Variants in GPHN observed in about 807,000 individuals in gnomAD.
GPHN encodes gephyrin.
In GPHN, 17 loss-of-function variants were observed where a neutral mutation model predicts 95.5. The observed-to-expected ratio is 0.18, with a 90% CI of 0.12 to 0.27. GPHN has a LOEUF of 0.27. Among genes scored for constraint, GPHN ranks in the 10% least tolerant of loss-of-function variants. GPHN has a pLI of 1.00. For synonymous variants in GPHN, 320 were observed against 322.5 expected (o/e 0.99, Z 0.08); for missense variants, 660 against 978.1 (o/e 0.67, Z 4.34).
chr14:66,811,185 T>G lies in GPHN; in HGVS notation c.202-13289T>G, dbSNP rs972163332. Among the ~76,000 whole-genome samples, 31 of 152,288 alleles carry G rather than the reference T, an allele frequency of 2.0e-4. 1 individual carries two copies. Among genetic ancestry groups the G allele is most frequent in the Admixed American group, 1.8e-3 (28 of 15,298 alleles). Reference sequence around the variant, plus strand: ...GGGACAAGGATTGAAAAACTACCTGTTGGGTACTATGTTCATTACTTGGGC... The same window carrying G: ...GGGACAAGGATTGAAAAACTACCTGGTGGGTACTATGTTCATTACTTGGGC... On this transcript the variant is annotated intron_variant, in intron 3 of 22. Transcript: ENST00000478722.
intron 1 of GPHN, among the ~76,000 whole-genome samples, chr14:66,582,284 G>C (rs1331664480): frequency 6.6e-6 from 1 of 151,952 alleles, no homozygotes; most frequent in Non-Finnish European, 1.5e-5. Context: ...ACAACCAAGA[G>C]TAAAACTGAA....
intron 2 of GPHN, among the ~76,000 whole-genome samples, chr14:66,689,011 T>C (rs1316914840): frequency 2.0e-5 from 3 of 152,158 alleles, no homozygotes; most frequent in Non-Finnish European, 4.4e-5. Flanking sequence ...CATGTATACC[T>C]GTGTAACACA....
chr14:67,462,511 A>G, the GPHN span, among the ~76,000 whole-genome samples: 1 of 152,118 alleles, frequency 6.6e-6, no homozygotes, highest in East Asian at 1.9e-4. Context: ...ACACCTGGCT[A>G]ATTTCTTTAA....
chr14:66,586,439 G>A (rs886436562), intron 1 of GPHN, among the ~76,000 whole-genome samples: 5 of 152,124 alleles, frequency 3.3e-5, no homozygotes, highest in African/African-American at 4.8e-5. Context: ...TATGATGTTA[G>A]CTGGTTATTT....
At chr14:67,220,869 C>T in the GPHN span, among the ~76,000 whole-genome samples, 89 of 152,328 alleles carry the variant, frequency 5.8e-4, no homozygotes, top group Admixed American at 3.8e-3. Flanking sequence ...CATTGTAGAA[C>T]TTGAACTGGG....
At chr14:66,548,272 C>A (rs963916521) in intron 1 of GPHN, among the ~76,000 whole-genome samples, 1 of 151,926 alleles carries the variant, frequency 6.6e-6, no homozygotes, top group Admixed American at 6.5e-5. Flanking sequence ...CCTCTTCCTC[C>A]CAGGTTCAAG....
chr14:66,857,161 A>G (rs2062838002), intron 4 of GPHN, among the ~76,000 whole-genome samples: 1 of 152,140 alleles, frequency 6.6e-6, no homozygotes, highest in Admixed American at 6.6e-5. Context: ...TTACATAGAG[A>G]GATTATATGA....
the GPHN span, among the ~76,000 whole-genome samples, chr14:67,516,752 C>T: frequency 6.6e-6 from 1 of 152,212 alleles, no homozygotes; most frequent in South Asian, 2.1e-4. Context: ...TTTCTAAGCC[C>T]ATCCCCATGT....
intron 11 of GPHN, among the ~76,000 whole-genome samples, chr14:67,071,226 A>G (rs2076293541): frequency 1.3e-5 from 2 of 152,316 alleles, no homozygotes; most frequent in South Asian, 4.1e-4. Context: ...AAGACTTGGA[A>G]CCAACCCAAA....
intron 1 of GPHN, among the ~76,000 whole-genome samples, chr14:66,571,647 CTAAAAATA>C (rs1415185379): frequency 1.3e-5 from 2 of 152,022 alleles, no homozygotes; most frequent in Non-Finnish European, 2.9e-5. Context: ...CGCGTCTCTA[CTAAAAATA>C]TAAAAATTAG....
intron 21 of GPHN, among the ~76,000 whole-genome samples, chr14:67,178,433 GT>G (rs2083133715): frequency 1.3e-5 from 2 of 152,200 alleles, no homozygotes; most frequent in African/African-American, 2.4e-5. Context: ...GAGATCCACT[GT>G]TATTTTGATG....
chr14:67,642,005 C>T, the GPHN span, among the ~76,000 whole-genome samples: 1 of 152,126 alleles, frequency 6.6e-6, no homozygotes, highest in Non-Finnish European at 1.5e-5. Context: ...TTTCCAACAT[C>T]TGCAAAACTG....
At chr14:67,112,611 G>T (rs2078441866) in intron 15 of GPHN, among the ~76,000 whole-genome samples, 1 of 152,094 alleles carries the variant, frequency 6.6e-6, no homozygotes, top group Non-Finnish European at 1.5e-5. Flanking sequence ...AAGCTAGCCA[G>T]CTGTGGACCT....
chr14:67,661,269 G>C, the GPHN span, among the ~76,000 whole-genome samples: 1 of 139,426 alleles, frequency 7.2e-6, no homozygotes, highest in Non-Finnish European at 1.5e-5. Context: ...TGCTTCTATA[G>C]GGCTAGAGCA....
the GPHN span, among the ~76,000 whole-genome samples, chr14:67,732,163 G>T: frequency 6.7e-6 from 1 of 149,802 alleles, no homozygotes; most frequent in African/African-American, 2.5e-5. Context: ...AAGGCTGGGT[G>T]TGGCGGCTCA....
intron 1 of GPHN, among the ~76,000 whole-genome samples, chr14:66,573,464 T>TTTTTC (rs1282114355): frequency 1.3e-5 from 2 of 150,418 alleles, no homozygotes; most frequent in African/African-American, 4.9e-5. Context: ...TTTTTTTTTT[T>TTTTTC]TTTTCTGAGA....
At chr14:67,426,494 G>A in the GPHN span, among the ~76,000 whole-genome samples, 14,075 of 152,282 alleles carry the variant, frequency 0.092, 727 homozygotes, top group Admixed American at 0.16. Flanking sequence ...TGGCCGGTGC[G>A]ATTGCCTTCA....
chr14:66,808,286 C>G (rs2060627883), intron 3 of GPHN, among the ~76,000 whole-genome samples: 1 of 152,004 alleles, frequency 6.6e-6, no homozygotes, highest in Non-Finnish European at 1.5e-5. Flanking sequence ...GATATGAATC[C>G]TTTGATACAT....
chr14:67,650,748 A>G, the GPHN span: 20 of 1,613,962 alleles, frequency 1.2e-5, no homozygotes, highest in Non-Finnish European at 1.6e-5. Flanking sequence ...GTTGAAGTCA[A>G]TCCTCAGTTG....
Sources: gnomAD v4.1 joint callset for allele counts (sites outside exome capture counted in the v4.1 genomes callset) on GRCh38, gnomAD v4.1.1 for gene constraint, MANE v1.5 for transcripts, NCBI Gene and HGNC (gene_info 2026-07-23, HGNC 2026-07-21) for gene names.